Variants in DIP2C observed in about 807,000 individuals in gnomAD.
DIP2C encodes the protein DIP2 acetate--CoA ligase C (putative).
DIP2C carries 33 observed loss-of-function variants against 192.4 expected under a neutral mutation model. That is an observed-to-expected ratio of 0.17 (90% CI 0.13 to 0.23). The LOEUF is 0.23. DIP2C is among the 10% of genes least tolerant of loss of function. DIP2C has a pLI of 1.00. For missense variants in DIP2C, 1,537 were observed against 2,110.1 expected (o/e 0.73, Z 5.32); for synonymous variants, 979 against 864.1 (o/e 1.13, Z -2.33).
chr10:452,197 T>C (rs1480465019), intron 3 of DIP2C, among the ~76,000 whole-genome samples: 3 of 152,178 alleles, frequency 2.0e-5, no homozygotes, highest in African/African-American at 7.2e-5. Flanking sequence ...CAAAAAGATG[T>C]CTACATTCTG....
chr10:367,149 G>A (rs530870785), intron 18 of DIP2C, among the ~76,000 whole-genome samples: 140 of 152,346 alleles, frequency 9.2e-4, no homozygotes, highest in African/African-American at 3.2e-3. Flanking sequence ...CGGACGCGGT[G>A]GCTCACGCCT....
At chr10:563,535 A>C (rs192593426) in intron 1 of DIP2C, among the ~76,000 whole-genome samples, 1 of 152,366 alleles carries the variant, frequency 6.6e-6, no homozygotes, top group Admixed American at 6.5e-5. Flanking sequence ...AGCACCCATC[A>C]CAGTATTTCC....
chr10:326,684 G>A (rs1753925089), intron 31 of DIP2C, among the ~76,000 whole-genome samples: 1 of 152,194 alleles, frequency 6.6e-6, no homozygotes, highest in African/African-American at 2.4e-5. Context: ...GTACTTCGAG[G>A]GACTGGTTTC....
At chr10:379,407 A>G (rs942204983) in intron 17 of DIP2C, among the ~76,000 whole-genome samples, 1 of 152,072 alleles carries the variant, frequency 6.6e-6, no homozygotes, top group Non-Finnish European at 1.5e-5. Context: ...CAGACATTCT[A>G]TGTTGCTTGC....
chr10:522,156 G>A (rs529238443), intron 1 of DIP2C, among the ~76,000 whole-genome samples: 2 of 152,170 alleles, frequency 1.3e-5, no homozygotes, highest in Admixed American at 6.5e-5. Context: ...CCTTTTCCAG[G>A]CTGTCCTGTC....
intron 3 of DIP2C, 110 bp downstream of exon 3, chr10:472,329 G>A (rs1183364173): frequency 2.1e-6 from 2 of 933,076 alleles, no homozygotes; most frequent in Non-Finnish European, 3.3e-6. Flanking sequence ...CCCCTCGCGT[G>A]CTGCAGGTCC....
intron 9 of DIP2C, among the ~76,000 whole-genome samples, chr10:407,234 T>C (rs1964870764): frequency 6.6e-6 from 1 of 152,310 alleles, no homozygotes; most frequent in East Asian, 1.9e-4. Context: ...ACGCAATACC[T>C]GTTTTGTGTC....
chr10:543,940 C>T (rs775763798), intron 1 of DIP2C, among the ~76,000 whole-genome samples: 2 of 152,400 alleles, frequency 1.3e-5, no homozygotes, highest in Non-Finnish European at 2.9e-5. Context: ...CCCTGGCAAT[C>T]GCCAGCCGAC....
intron 19 of DIP2C, 142 bp downstream of exon 19, chr10:366,133 T>G: frequency 8.3e-7 from 1 of 1,200,948 alleles, no homozygotes; most frequent in Non-Finnish European, 1.2e-6. Flanking sequence ...TAAAAAGTGG[T>G]AAAGTGCCAT....
chr10:593,589 C>T (rs969902336), intron 1 of DIP2C, among the ~76,000 whole-genome samples: 2 of 151,036 alleles, frequency 1.3e-5, no homozygotes, highest in Admixed American at 6.6e-5. Flanking sequence ...GGGCCCTCCT[C>T]GGTACTTCCC....
At chr10:621,290 C>T (rs1226851655) in intron 1 of DIP2C, among the ~76,000 whole-genome samples, 1 of 150,080 alleles carries the variant, frequency 6.7e-6, no homozygotes, top group Non-Finnish European at 1.5e-5. Context: ...ACGCTCTGTA[C>T]ACATCTGTCC....
At chr10:528,409 G>A (rs1847182165) in intron 1 of DIP2C, among the ~76,000 whole-genome samples, 1 of 148,842 alleles carries the variant, frequency 6.7e-6, no homozygotes, top group Non-Finnish European at 1.5e-5. Flanking sequence ...ACCGCCCACT[G>A]CTCCCCCAGA....
In DIP2C at chr10:422,810, T is replaced by C; in HGVS notation, c.604+14A>G. On this transcript the variant is annotated intron_variant, in intron 5 of 36. Coordinates refer to ENST00000280886, the MANE Select transcript of DIP2C (RefSeq NM_014974.3). ...ACACAACAGGCACAGAAAGACACCG[T>C]GAAGCGTGCTCACCTATGTGGGTCT... is the stretch of plus-strand genomic sequence containing the variant. 1 of 1,607,202 alleles carries C rather than the reference T, an allele frequency of 6.2e-7. No individual in the cohort carries two copies. Among genetic ancestry groups the C allele is most frequent in the Non-Finnish European group, 8.5e-7 (1 of 1,178,182 alleles).
chr10:657,538 T>G (rs1316666596), intron 1 of DIP2C, among the ~76,000 whole-genome samples: 1 of 26,802 alleles, frequency 3.7e-5, no homozygotes, highest in Non-Finnish European at 8.8e-5. Context: ...GCTAGACCTG[T>G]CCCTGGACCT....
At chr10:496,032 T>TA (rs1273339348) in intron 1 of DIP2C, among the ~76,000 whole-genome samples, 4 of 146,918 alleles carry the variant, frequency 2.7e-5, no homozygotes, top group Middle Eastern at 4.1e-3. Flanking sequence ...CCTGTGTACT[T>TA]ACATCTCTAC....
At chr10:384,401 C>T (rs117888814) in intron 15 of DIP2C, 145 bp downstream of exon 15, 5 of 897,984 alleles carry the variant, frequency 5.6e-6, no homozygotes, top group Non-Finnish European at 8.2e-6. Context: ...TCAGGCCTGG[C>T]TAATTTTTGT....
intron 1 of DIP2C, among the ~76,000 whole-genome samples, chr10:492,899 G>A (rs963138726): frequency 3.9e-5 from 6 of 152,222 alleles, no homozygotes; most frequent in African/African-American, 7.2e-5. Flanking sequence ...TCACACCACC[G>A]CAGTGGTCTT....
At chr10:567,291 C>A (rs906384719) in intron 1 of DIP2C, among the ~76,000 whole-genome samples, 2 of 152,168 alleles carry the variant, frequency 1.3e-5, no homozygotes, top group Admixed American at 6.5e-5. Flanking sequence ...CAGATTCAAG[C>A]AATTCTCCTG....
chr10:351,461 C>T (rs562397213), intron 24 of DIP2C, among the ~76,000 whole-genome samples: 38 of 152,194 alleles, frequency 2.5e-4, no homozygotes, highest in Non-Finnish European at 3.8e-4. Context: ...AGGCGGCCCA[C>T]GTCACTGCCC....
Sources: allele counts gnomAD v4.1 joint callset (sites outside exome capture counted in the v4.1 genomes callset), GRCh38; gene constraint gnomAD v4.1.1; transcripts MANE v1.5; gene names NCBI Gene and HGNC (gene_info 2026-07-23, HGNC 2026-07-21).